Variants in LAMA2 observed in about 807,000 individuals in gnomAD.
The protein encoded by LAMA2 is laminin subunit alpha-2.
A neutral mutation model predicts 364.8 loss-of-function variants in LAMA2; 269 were observed. The observed-to-expected ratio is 0.74, with a 90% CI of 0.67 to 0.82. LAMA2 has a LOEUF of 0.82. Ranked by LOEUF, LAMA2 falls within the 40% of genes least tolerant of loss-of-function variation. LAMA2 has a pLI of 0.00. For missense variants in LAMA2, 3,807 were observed against 3,873.2 expected (o/e 0.98, Z 0.45); for synonymous variants, 1,379 against 1,370.6 (o/e 1.01, Z -0.14).
At chr6:129,239,443 T>C (rs373088650) in intron 12 of LAMA2, among the ~76,000 whole-genome samples, 32 of 152,338 alleles carry the variant, frequency 2.1e-4, no homozygotes, top group African/African-American at 7.5e-4. Flanking sequence ...TAATTGCTAT[T>C]CTATTACCCT....
At chr6:129,346,698 T>C (rs988658030) in intron 30 of LAMA2, among the ~76,000 whole-genome samples, 9 of 152,262 alleles carry the variant, frequency 5.9e-5, no homozygotes, top group East Asian at 3.9e-4. Context: ...AATATATAAG[T>C]GAACAAAACG....
intron 3 of LAMA2, among the ~76,000 whole-genome samples, chr6:129,088,689 C>T (rs1232260228): frequency 2.0e-5 from 3 of 149,592 alleles, no homozygotes; most frequent in Admixed American, 2.0e-4. Flanking sequence ...GGCTGCCGGG[C>T]GGAGGGGTTC....
At chr6:129,434,513 A>C (rs143904854) in intron 41 of LAMA2, among the ~76,000 whole-genome samples, 4 of 152,172 alleles carry the variant, frequency 2.6e-5, no homozygotes, top group Non-Finnish European at 5.9e-5. Flanking sequence ...AGGAATAAGG[A>C]GAGGGAATCT....
At chr6:128,994,632 A>G (rs1036932406) in intron 1 of LAMA2, among the ~76,000 whole-genome samples, 2 of 152,188 alleles carry the variant, frequency 1.3e-5, no homozygotes, top group African/African-American at 2.4e-5. Context: ...TCCTGAGTAC[A>G]TACCTAATAC....
chr6:129,442,929 T>C (rs989682890), intron 43 of LAMA2, 134 bp from the exon 44 acceptor site: 24 of 619,728 alleles, frequency 3.9e-5, no homozygotes, highest in Non-Finnish European at 6.0e-5. Context: ...TCAGTTAAAA[T>C]GGGGTGCATT....
At chr6:129,512,032 T>C (rs1235689521) in intron 62 of LAMA2, among the ~76,000 whole-genome samples, 1 of 152,174 alleles carries the variant, frequency 6.6e-6, no homozygotes, top group African/African-American at 2.4e-5. Flanking sequence ...TATCCATTTA[T>C]TCAAATAATA....
At chr6:129,082,949 C>T (rs1406590570) in intron 3 of LAMA2, among the ~76,000 whole-genome samples, 3 of 151,962 alleles carry the variant, frequency 2.0e-5, no homozygotes, top group Non-Finnish European at 4.4e-5. Context: ...GGTTTTATAA[C>T]AAGCATAGCT....
At chr6:129,426,204 TAG>T (rs1484631272) in intron 40 of LAMA2, among the ~76,000 whole-genome samples, 1 of 152,192 alleles carries the variant, frequency 6.6e-6, no homozygotes, top group Non-Finnish European at 1.5e-5. Context: ...CTCCACTTTT[TAG>T]AGTTTTCTCT....
intron 3 of LAMA2, among the ~76,000 whole-genome samples, chr6:129,078,103 G>C (rs1408741470): frequency 1.3e-5 from 2 of 150,626 alleles, no homozygotes; most frequent in Admixed American, 6.7e-5. Flanking sequence ...TATGTTTATG[G>C]GGGCAGTGAG....
intron 3 of LAMA2, among the ~76,000 whole-genome samples, chr6:129,078,259 TGA>T: frequency 6.6e-6 from 1 of 152,080 alleles, no homozygotes; most frequent in East Asian, 1.9e-4. Flanking sequence ...CTCGGCTTCC[TGA>T]GTACCTGGAA....
At chr6:129,028,043 G>A (rs1230813881) in intron 1 of LAMA2, among the ~76,000 whole-genome samples, 1 of 151,724 alleles carries the variant, frequency 6.6e-6, no homozygotes, top group East Asian at 1.9e-4. Context: ...TATAATCTTT[G>A]CTTTTAGTAG....
In LAMA2 at chr6:129,315,804, G is replaced by A. The variant is rs1363185527; in HGVS notation, c.3778G>A (p.Glu1260Lys). Reference sequence around the variant, plus strand: ...CAAACTCAAGTATGCAATCTATTTCGAGGCTCGGGAAGAAACAGGTTTCTC... The same window carrying A: ...CAAACTCAAGTATGCAATCTATTTCAAGGCTCGGGAAGAAACAGGTTTCTC... ...GGKLKYAIYFEAREETGFSTY... is the reference protein window; with the variant it reads ...GGKLKYAIYFKAREETGFSTY... The change falls in exon 26 of 65, where the codon GAG (glutamate) becomes AAG (lysine). Residue 1260 changes from glutamate (E) to lysine (K), a missense_variant. Glu to Lys is a moderately conservative substitution (Grantham distance 56). Transcript: ENST00000421865. The A allele has an allele frequency of 6.2e-6, 10 of 1,613,998 alleles. No homozygotes were observed. Among genetic ancestry groups the A allele is most frequent in the South Asian group, 1.1e-5 (1 of 91,084 alleles).
intron 9 of LAMA2, among the ~76,000 whole-genome samples, chr6:129,172,773 C>G (rs1480684800): frequency 6.6e-6 from 1 of 152,222 alleles, no homozygotes; most frequent in Non-Finnish European, 1.5e-5. Flanking sequence ...CCCCCAGCCT[C>G]GCTGCTGCCT....
chr6:129,221,384 C>G (rs540842118), intron 12 of LAMA2, among the ~76,000 whole-genome samples: 69 of 138,060 alleles, frequency 5.0e-4, no homozygotes, highest in Non-Finnish European at 8.4e-4. Context: ...TAAGGAAAGG[C>G]CAAACTGCCT....
At chr6:129,373,493 C>T (rs1778202386) in intron 34 of LAMA2, among the ~76,000 whole-genome samples, 1 of 152,062 alleles carries the variant, frequency 6.6e-6, no homozygotes, top group Non-Finnish European at 1.5e-5. Context: ...AGCTCATATA[C>T]ATGAGCTAAT....
intron 9 of LAMA2, among the ~76,000 whole-genome samples, chr6:129,171,285 T>C (rs1374049385): frequency 1.3e-5 from 2 of 152,244 alleles, no homozygotes; most frequent in Non-Finnish European, 2.9e-5. Context: ...GTCTTTACAA[T>C]TTGGCATGCT....
chr6:129,507,423 G>C (rs1177983499), intron 61 of LAMA2, 66 bp from the exon 62 acceptor site: 1 of 1,525,346 alleles, frequency 6.6e-7, no homozygotes. Context: ...GCAAATGACT[G>C]TATTCTACAT....
chr6:129,041,600 G>T (rs184919426), intron 1 of LAMA2, among the ~76,000 whole-genome samples: 24 of 152,296 alleles, frequency 1.6e-4, no homozygotes, highest in African/African-American at 5.8e-4. Context: ...TCTTACATAT[G>T]TGTCATATTT....
chr6:129,171,060 A>T (rs929117854), intron 9 of LAMA2, among the ~76,000 whole-genome samples: 5 of 152,016 alleles, frequency 3.3e-5, no homozygotes, highest in African/African-American at 1.2e-4. Flanking sequence ...TTTTGAGCCT[A>T]TGTGTGTCTC....
Sources: gnomAD v4.1 joint callset for allele counts (sites outside exome capture counted in the v4.1 genomes callset) on GRCh38, gnomAD v4.1.1 for gene constraint, MANE v1.5 for transcripts, NCBI Gene and HGNC (gene_info 2026-07-23, HGNC 2026-07-21) for gene names.